HMCN2: variants seen among roughly 807,000 people sequenced by gnomAD.
The protein encoded by HMCN2 is hemicentin-2.
HMCN2 carries 325 observed loss-of-function variants against 377.5 expected under a neutral mutation model. The observed-to-expected ratio is 0.86, with a 90% CI of 0.79 to 0.94. The LOEUF (loss-of-function observed/expected upper bound fraction) is 0.94. Ranked by LOEUF, HMCN2 falls within the 40% of genes least tolerant of loss-of-function variation. The pLI is 0.00. For missense variants in HMCN2, 4,543 were observed against 4,725.3 expected (o/e 0.96, Z 1.13); for synonymous variants, 2,007 against 2,046.8 (o/e 0.98, Z 0.53).
intron 24 of HMCN2, among the ~76,000 whole-genome samples, chr9:130,342,149 G>A (rs1420412895): frequency 5.9e-5 from 9 of 152,264 alleles, no homozygotes; most frequent in East Asian, 3.9e-4. Context: ...TGTGGGGCTC[G>A]GCCCTGGTGG....
chr9:130,433,748 G>C lies in HMCN2; in HGVS notation c.*55G>C. ...CGTGACCCCCGAGGAAGGGGTCGAG[G>C]AGAAGCTTGGTCCACGCCACCTGCT... is the stretch of plus-strand genomic sequence containing the variant. On this transcript the variant is annotated 3_prime_UTR_variant, in exon 98 of 98. Transcript: ENST00000683500. 1 of 1,328,522 alleles carries C rather than the reference G, an allele frequency of 7.5e-7. No homozygotes were observed. The highest frequency in any genetic ancestry group is 1.6e-5 in the African/African-American group (1 of 64,036). The allele number at this position is 1,328,522 out of a possible 1,614,324, so 82.3% of individuals were successfully genotyped here.
chr9:130,398,653 T>C lies in HMCN2; in HGVS notation c.11429T>C (p.Val3810Ala), dbSNP rs1440202331. The C allele has an allele frequency of 7.8e-7, 1 of 1,289,394 alleles. No homozygotes were observed. The highest frequency in any genetic ancestry group is 2.3e-5 in the Admixed American group (1 of 43,556). The allele number at this position is 1,289,394 out of a possible 1,614,324, so 79.9% of individuals were successfully genotyped here. A position where few individuals can be genotyped will look rare whatever the true frequency, so the allele number is the denominator to read the frequency against. ...AGCGGCTCCCCTAAGCCCCTGGTGG[T>C]CTGGTGGAAGGACGGACAGAAGCTG... ...EASGSPKPLVVWWKDGQKLDF... is the reference protein window; with the variant it reads ...EASGSPKPLVAWWKDGQKLDF... The change falls in exon 75 of 98, where the codon GTC (valine) becomes GCC (alanine). Residue 3810 changes from valine (V) to alanine (A), a missense_variant. This residue lies in a region of HMCN2 where 1,073 missense variants were observed against 1,319.5 expected (regional missense o/e 0.81). Coordinates refer to ENST00000683500, the MANE Select transcript of HMCN2 (RefSeq NM_001291815.2).
intron 85 of HMCN2, 75 bp downstream of exon 85, chr9:130,410,727 G>T (rs1324475271): frequency 4.9e-6 from 6 of 1,213,568 alleles, no homozygotes; most frequent in Non-Finnish European, 7.1e-6. Context: ...CAGCCTAGAG[G>T]GCAGACGGCA....
chr9:130,327,998 C>G (rs889004382), intron 22 of HMCN2, among the ~76,000 whole-genome samples: 1 of 152,196 alleles, frequency 6.6e-6, no homozygotes, highest in Admixed American at 6.5e-5. Flanking sequence ...CGCCGTACCC[C>G]CCAGGAGGGG....
At chr9:130,364,655 C>T in intron 40 of HMCN2, 59 bp from the exon 41 acceptor site, 1 of 911,130 alleles carries the variant, frequency 1.1e-6, no homozygotes, top group Non-Finnish European at 1.3e-6. Flanking sequence ...GGGTGTGGCC[C>T]CTCCTTGCCA....
In HMCN2 at chr9:130,423,539, C is replaced by T. The variant is rs1479033288; in HGVS notation, c.13381+813C>T. ...GTGAGGCCTGGAGAAGCATCTGGCCCCAAGCCCGTGGACCAGGCTTTGTTC... is the reference window on the plus strand; with the variant it reads ...GTGAGGCCTGGAGAAGCATCTGGCCTCAAGCCCGTGGACCAGGCTTTGTTC... On this transcript the variant is annotated intron_variant, in intron 87 of 97. Transcript: ENST00000683500. This position sits in a 1 kb window ranked among gnomAD's most constrained non-coding sequence, Gnocchi z 5.5. Among the ~76,000 whole-genome samples, 1 of 152,200 alleles carries T rather than the reference C, an allele frequency of 6.6e-6. No individual in the cohort carries two copies. Among genetic ancestry groups the T allele is most frequent in the African/African-American group, 2.4e-5 (1 of 41,452 alleles).
intron 1 of HMCN2, among the ~76,000 whole-genome samples, chr9:130,278,057 C>T (rs1450710735): frequency 1.4e-5 from 2 of 142,156 alleles, no homozygotes; most frequent in Admixed American, 7.0e-5. Flanking sequence ...ATCATTACCA[C>T]CACCACCACC....
chr9:130,409,841 C>T lies in HMCN2; in HGVS notation c.12880-730C>T, dbSNP rs146100663. The stretch of plus-strand genomic sequence containing the variant: ...CCTACACTCTTAACTTTGTGCCATG[C>T]TATCCCCCCCAGTCCCTTGGGTGTG... On this transcript the variant is annotated intron_variant, in intron 84 of 97. Transcript: ENST00000683500. Among the ~76,000 whole-genome samples, 59 of 152,316 alleles carry T rather than the reference C, an allele frequency of 3.9e-4. No individual in the cohort carries two copies. In the East Asian group the frequency reaches 0.01, roughly 26 times the overall value.
intron 84 of HMCN2, among the ~76,000 whole-genome samples, chr9:130,409,847 C>A (rs1171607390): frequency 6.6e-6 from 1 of 152,174 alleles, no homozygotes; most frequent in East Asian, 1.9e-4. Flanking sequence ...CATGCTATCC[C>A]CCCCAGTCCC....
rs1004637743 is a variant in HMCN2, at chr9:130,433,646, C to T, written c.15193C>T (p.Gln5065Ter). Residue 5065 changes from glutamine (Q) to a stop codon, truncating the protein, a stop_gained, in exon 98 of 98, where the codon CAA becomes TAA. Transcript: ENST00000683500. LOFTEE classifies it high-confidence loss of function. ...CGTGCGTGCTGCGGCACCGCGCCAC[C>T]AAAGCGTCTTCGTCTTGCTCATCGC... ...LTVRAAAPRH[Q>*]SVFVLLIAVS... The T allele has an allele frequency of 2.6e-6, 4 of 1,518,582 alleles. No homozygotes were observed. Among genetic ancestry groups the T allele is most frequent in the African/African-American group, 1.5e-5 (1 of 68,842 alleles). The allele number at this position is 1,518,582 out of a possible 1,614,324, so 94.1% of individuals were successfully genotyped here. A position where few individuals can be genotyped will look rare whatever the true frequency, so the allele number is the denominator to read the frequency against.
Position 130,396,167 on chromosome 9 carries a change from A to T in HMCN2, c.11054-2A>T, listed in dbSNP as rs1387732382. ...CACCACTCCCTCTGTGCCCCTCCCCAGCGGTGCCCACCATCCGGTCAGGAC... is the reference window on the plus strand; with the variant it reads ...CACCACTCCCTCTGTGCCCCTCCCCTGCGGTGCCCACCATCCGGTCAGGAC... On this transcript the variant is annotated splice_acceptor_variant, in intron 72 of 97. Coordinates refer to ENST00000683500, the MANE Select transcript of HMCN2 (RefSeq NM_001291815.2). LOFTEE classifies it high-confidence loss of function. 2.0e-5 allele frequency: 25 copies of T among 1,223,786 alleles called. No homozygotes were observed. In the Admixed American group the frequency reaches 6.3e-4, roughly 31 times the overall value. The allele number at this position is 1,223,786 out of a possible 1,614,324, so 75.8% of individuals were successfully genotyped here.
chr9:130,345,703 C>T (rs1839357991), intron 25 of HMCN2, among the ~76,000 whole-genome samples: 1 of 151,672 alleles, frequency 6.6e-6, no homozygotes, highest in African/African-American at 2.4e-5. Flanking sequence ...GACATTCTGG[C>T]CTGCATTCTG....
Position 130,304,866 on chromosome 9 carries a change from G to T in HMCN2, c.1680G>T (p.Ser560=). The T allele has an allele frequency of 2.1e-6, 1 of 471,056 alleles. No individual in the cohort carries two copies. The highest frequency in any genetic ancestry group is 4.4e-6 in the Non-Finnish European group (1 of 227,048). The allele number at this position is 471,056 out of a possible 1,614,324, so 29.2% of individuals were successfully genotyped here. A position where few individuals can be genotyped will look rare whatever the true frequency, so the allele number is the denominator to read the frequency against. ...WVRDWRVLPA[S]TGRVAQLADL... ...GGGACTGGCGAGTCCTGCCGGCCTC[G>T]ACGGGCCGAGTTGCCCAGCTGGCTG... Residue 560 remains serine, a synonymous_variant, in exon 11 of 98, where the codon TCG becomes TCT. Transcript: ENST00000683500. This position sits in a 1 kb window ranked among gnomAD's most constrained non-coding sequence, Gnocchi z 4.3.
rs113828481 is a variant in HMCN2 at position 130,400,609 on chromosome 9, C to T, written c.11606-174C>T. On this transcript the variant is annotated intron_variant, in intron 76 of 97. Coordinates refer to ENST00000683500, the MANE Select transcript of HMCN2 (RefSeq NM_001291815.2). ...TTTTAAAGAAAAAAAACTATAGCCC[C>T]GTGCCCAGAAGGATGTGCTGAGTGG... 1,449 of 266,312 alleles carry T rather than the reference C, an allele frequency of 5.4e-3. 36 individuals carry two copies. Among genetic ancestry groups the T allele is most frequent in the African/African-American group, 0.031 (1,349 of 43,120 alleles). The allele number at this position is 266,312 out of a possible 1,614,324, so 16.5% of individuals were successfully genotyped here.
Position 130,354,984 on chromosome 9 carries a change from A to C in HMCN2, c.5086A>C (p.Ser1696Arg), listed in dbSNP as rs930536464. The change falls in exon 32 of 98, where the codon AGC (serine) becomes CGC (arginine). Residue 1696 changes from serine to arginine, a missense_variant. Transcript: ENST00000683500. ...GGGGGAGGCATCCAGTGGCCTGTAC[A>C]GCTGTGTGGCCAGCAGTCCTGCCGG... The part of the protein sequence containing the change: ...SPGEASSGLY[S>R]CVASSPAGEA... The C allele has an allele frequency of 7.7e-7, 1 of 1,298,808 alleles. No homozygotes were observed. Among genetic ancestry groups the C allele is most frequent in the African/African-American group, 1.5e-5 (1 of 65,846 alleles). The allele number at this position is 1,298,808 out of a possible 1,614,324, so 80.5% of individuals were successfully genotyped here.
At position 130,425,826 on chromosome 9, in the gene HMCN2, C is replaced by T. The variant is rs1447176026; in HGVS notation, c.13781C>T (p.Pro4594Leu). The change falls in exon 90 of 98, where the codon CCC becomes CTC. Residue 4594 changes from proline (P) to leucine (L), a missense_variant. Transcript: ENST00000683500. ...TACAACGCGGCCCGGGGCCCCCAGC[C>T]CCAGCTGGTGCAGCACCTGCGGGCC... ...IQYNAARGPQ[P>L]QLVQHLRASA... is the part of the protein sequence containing the mutation. 1 of 1,550,534 alleles carries T rather than the reference C, an allele frequency of 6.4e-7. No individual in the cohort carries two copies. The highest frequency in any genetic ancestry group is 8.7e-7 in the Non-Finnish European group (1 of 1,146,976).
intron 62 of HMCN2, among the ~76,000 whole-genome samples, chr9:130,389,694 C>A (rs535881673): frequency 9.2e-5 from 14 of 152,162 alleles, no homozygotes; most frequent in African/African-American, 3.4e-4. Context: ...CCTGCCTCAG[C>A]CTCCCGAGTA....
intron 8 of HMCN2, among the ~76,000 whole-genome samples, chr9:130,300,887 G>A (rs1836468446): frequency 6.6e-6 from 1 of 152,220 alleles, no homozygotes; most frequent in African/African-American, 2.4e-5. Flanking sequence ...AGGGCCACTG[G>A]CCATCTGGCT....
chr9:130,358,068 G>A, intron 35 of HMCN2, 80 bp downstream of exon 35: 1 of 1,173,322 alleles, frequency 8.5e-7, no homozygotes, highest in Admixed American at 3.0e-5. Context: ...TGGAGACTCT[G>A]AGCAAATCCC....
Sources: allele counts gnomAD v4.1 joint callset (sites outside exome capture counted in the v4.1 genomes callset), GRCh38; gene constraint gnomAD v4.1.1; regional missense constraint gnomAD v4.1.1; non-coding constraint Gnocchi (gnomAD v3.1); transcripts MANE v1.5; gene names NCBI Gene and HGNC (gene_info 2026-07-23, HGNC 2026-07-21).